SMARCB1: variants seen among roughly 807,000 people sequenced by gnomAD.
SMARCB1 encodes the protein SWI/SNF related BAF chromatin remodeling complex subunit B1.
SMARCB1 carries 5 observed loss-of-function variants against 49.0 expected under a neutral mutation model. The observed-to-expected ratio is 0.10, with a 90% CI of 0.05 to 0.21. The LOEUF (loss-of-function observed/expected upper bound fraction) is 0.21, where lower values mean the gene tolerates loss of function less well. Ranked by LOEUF, SMARCB1 falls within the 10% of genes least tolerant of loss-of-function variation. SMARCB1 has a pLI of 1.00. For synonymous variants in SMARCB1, 201 were observed against 200.1 expected, an observed-to-expected ratio of 1.00 and a Z score of -0.04; for missense variants, 226 against 509.2, an observed-to-expected ratio of 0.44 and a Z score of 5.35.
In SMARCB1 at chr22:23,837,717, A is replaced by G. The variant is rs751245845; in HGVS notation, c.*3537A>G. On this transcript the variant is annotated 3_prime_UTR_variant, in exon 9 of 9. Transcript: ENST00000644036. ...GCAGCGAGAAGCCCATGAGCGCCCA[A>G]GGCAGGAACGGTGCCTGGAAAGTGA... The G allele has an allele frequency of 3.7e-6, 6 of 1,614,010 alleles. No homozygotes were observed. The highest frequency in any genetic ancestry group is 3.3e-5 in the South Asian group (3 of 91,086).
At chr22:23,800,876 A>T (rs541887414) in intron 3 of SMARCB1, 68 bp from the exon 4 acceptor site, 19 of 1,173,450 alleles carry the variant, frequency 1.6e-5, no homozygotes, top group African/African-American at 3.0e-5. Context: ...CTGGAGCATT[A>T]GTTGATTCCT....
chr22:23,787,329 C>T, intron 1 of SMARCB1, 67 bp downstream of exon 1: 2 of 945,668 alleles, frequency 2.1e-6, no homozygotes, highest in East Asian at 2.9e-5. Flanking sequence ...CGGGCCCATG[C>T]GCCGAGAGCG....
chr22:23,835,586 G>T lies in SMARCB1; in HGVS notation c.*1406G>T. The T allele has an allele frequency of 1.0e-6, 1 of 985,518 alleles. No homozygotes were observed. The highest frequency in any genetic ancestry group is 4.7e-5 in the South Asian group (1 of 21,296). 61.0% of individuals were successfully genotyped at this position (985,518 alleles called of 1,614,324 possible). On this transcript the variant is annotated 3_prime_UTR_variant, in exon 9 of 9. Transcript: ENST00000644036. ...CTCAGGGCCTCTGCCCTCCATCAAA[G>T]AGTGGAACTCCCCAGAGCCCCATGC... is the stretch of plus-strand genomic sequence containing the variant.
In SMARCB1 at chr22:23,834,992, G is replaced by C; in HGVS notation, c.*812G>C. 3.3e-6 allele frequency: 5 copies of C among 1,499,106 alleles called. No homozygotes were observed. Among genetic ancestry groups the C allele is most frequent in the Non-Finnish European group, 4.4e-6 (5 of 1,126,706 alleles). 92.9% of individuals were successfully genotyped at this position (1,499,106 alleles called of 1,614,324 possible). A position where few individuals can be genotyped will look rare whatever the true frequency, so the allele number is the denominator to read the frequency against. ...GGCTGTCGCCAGCCTGGGTGCAGGA[G>C]GGCTGTTCTAGCTCCAGTGGCACCC... On this transcript the variant is annotated 3_prime_UTR_variant, in exon 9 of 9. Coordinates refer to ENST00000644036, the MANE Select transcript of SMARCB1 (RefSeq NM_003073.5).
Position 23,793,546 on chromosome 22 carries a change from TTGTC to T in SMARCB1, c.233-9_233-6del, listed in dbSNP as rs1928536961. ...CACCAGCAGAGTGACCCAGTGATGTTTGTCTGTTACAGATCACGGATACACGACT... is the reference window on the plus strand; with the variant it reads ...CACCAGCAGAGTGACCCAGTGATGTTTGTTACAGATCACGGATACACGACT... On this transcript the variant is annotated splice_polypyrimidine_tract_variant and intron_variant, in intron 2 of 8. Coordinates refer to ENST00000644036, the MANE Select transcript of SMARCB1 (RefSeq NM_003073.5). The T allele has an allele frequency of 4.3e-6, 7 of 1,614,102 alleles. 1 individual carries two copies. In the Middle Eastern group the frequency reaches 4.9e-4, roughly 114 times the overall value.
intron 7 of SMARCB1, among the ~76,000 whole-genome samples, chr22:23,830,236 G>T (rs369530955): frequency 1.1e-4 from 17 of 152,306 alleles, no homozygotes; most frequent in South Asian, 6.2e-4. Context: ...TTTCTAGACT[G>T]TTTTCCAAAG....
intron 5 of SMARCB1, among the ~76,000 whole-genome samples, chr22:23,812,795 G>GA (rs1004659361): frequency 6.7e-5 from 10 of 149,504 alleles, no homozygotes; most frequent in Non-Finnish European, 1.2e-4. Flanking sequence ...AAAATGCTCA[G>GA]AAAAATAATA....
intron 7 of SMARCB1, among the ~76,000 whole-genome samples, chr22:23,830,934 C>T (rs1030481714): frequency 1.3e-5 from 2 of 152,142 alleles, no homozygotes; most frequent in Non-Finnish European, 2.9e-5. Flanking sequence ...GCTGGGATTA[C>T]AGGTGTGAGC....
intron 1 of SMARCB1, among the ~76,000 whole-genome samples, chr22:23,789,619 A>G (rs895769441): frequency 6.6e-6 from 1 of 152,210 alleles, no homozygotes; most frequent in Non-Finnish European, 1.5e-5. Context: ...AGCTAATTAC[A>G]GTCTTGTCTT....
chr22:23,791,688 G>T, intron 1 of SMARCB1, 68 bp from the exon 2 acceptor site: 1 of 1,516,056 alleles, frequency 6.6e-7, no homozygotes. Context: ...GATGCAGTCT[G>T]CGCCAGGACC....
chr22:23,801,595 G>A (rs1157552445), intron 4 of SMARCB1: 2 of 349,504 alleles, frequency 5.7e-6, no homozygotes, highest in Non-Finnish European at 1.1e-5. Flanking sequence ...GGCCATCGAG[G>A]CGATTCGGTC....
chr22:23,803,587 T>A, intron 5 of SMARCB1, 165 bp downstream of exon 5: 1 of 799,926 alleles, frequency 1.3e-6, no homozygotes, highest in Non-Finnish European at 2.1e-6. Flanking sequence ...GTCCTGGTTC[T>A]GTTGCTGTTC....
chr22:23,803,521 G>A (rs1245476017), intron 5 of SMARCB1, 99 bp downstream of exon 5: 6 of 1,399,004 alleles, frequency 4.3e-6, no homozygotes, highest in Non-Finnish European at 6.0e-6. Flanking sequence ...GCAGATTCTG[G>A]ACCTGACACG....
At chr22:23,816,737 T>C (rs1031538842) in intron 5 of SMARCB1, 33 bp from the exon 6 acceptor site, 12 of 1,602,830 alleles carry the variant, frequency 7.5e-6, no homozygotes, top group Non-Finnish European at 7.7e-6. Flanking sequence ...CATGGTGCAA[T>C]CTCTTGGCAT....
chr22:23,790,088 G>A (rs34174598), intron 1 of SMARCB1, among the ~76,000 whole-genome samples: 1 of 152,124 alleles, frequency 6.6e-6, no homozygotes, highest in African/African-American at 2.4e-5. Flanking sequence ...GAGGGTGAAG[G>A]CTGGTTCAGA....
At chr22:23,803,876 C>CACCGAG in intron 5 of SMARCB1, 4 of 263,726 alleles carry the variant, frequency 1.5e-5, no homozygotes, top group South Asian at 4.6e-5. Context: ...GGTCAGATGC[C>CACCGAG]ATCTCTTCTG....
chr22:23,825,325 C>T lies in SMARCB1; in HGVS notation c.896C>T (p.Ser299Leu), dbSNP rs1362758319. 6.2e-6 allele frequency: 10 copies of T among 1,614,140 alleles called. No individual in the cohort carries two copies. The highest frequency in any genetic ancestry group is 3.3e-5 in the Admixed American group (2 of 60,024). Residue 299 changes from serine (S) to leucine (L), a missense_variant, in exon 7 of 9, where the codon TCG (serine) becomes TTG (leucine). Transcript: ENST00000644036. Reference protein sequence around the residue: ...SPEKFALKLCSELGLGGEFVT... With the variant: ...SPEKFALKLCLELGLGGEFVT... ...GAGAAGTTTGCCCTGAAGCTGTGCT[C>T]GGAGCTGGGGTTGGGCGGGGAGTTT...
At chr22:23,834,073 C>T (rs961340120) in intron 8 of SMARCB1, 68 bp from the exon 9 acceptor site, 145 of 1,513,326 alleles carry the variant, frequency 9.6e-5, no homozygotes, top group Non-Finnish European at 9.0e-6. Context: ...CCCTGTAGAG[C>T]CTTGGGAAGG....
rs116016765 is a variant in SMARCB1 at position 23,796,455 on chromosome 22, A to G, written c.362+2767A>G. Among the ~76,000 whole-genome samples the G allele has an allele frequency of 7.6e-3, 1,159 of 152,316 alleles. 13 individuals are homozygous for G. The highest frequency in any genetic ancestry group is 0.025 in the African/African-American group (1,050 of 41,576). On this transcript the variant is annotated intron_variant, in intron 3 of 8. Transcript: ENST00000644036. ...ATCTACCTTGTGCATTCAGCTCTCA[A>G]CAAAGTATGCATTTCTCTGCACAAA...
Sources: gnomAD v4.1 joint callset for allele counts (sites outside exome capture counted in the v4.1 genomes callset) on GRCh38, gnomAD v4.1.1 for gene constraint, MANE v1.5 for transcripts, NCBI Gene and HGNC (gene_info 2026-07-23, HGNC 2026-07-21) for gene names.